Variants in OSBPL10 observed in about 807,000 individuals in gnomAD.
OSBPL10 encodes the protein oxysterol-binding protein-related protein 10.
Under a neutral mutation model 81.7 loss-of-function variants are expected in OSBPL10, and 49 were observed. The observed-to-expected ratio is 0.60, with a 90% CI of 0.48 to 0.76. The LOEUF (loss-of-function observed/expected upper bound fraction) is 0.76, where lower values mean the gene tolerates loss of function less well. Among genes scored for constraint, OSBPL10 ranks in the 30% least tolerant of loss-of-function variants. OSBPL10 has a pLI of 0.00. For synonymous variants in OSBPL10, 419 were observed against 383.6 expected, an observed-to-expected ratio of 1.09 and a Z score of -1.08; for missense variants, 923 against 987.8, an observed-to-expected ratio of 0.93 and a Z score of 0.88.
Position 31,663,973 on chromosome 3 carries a change from T to C in OSBPL10, c.2250+106A>G, listed in dbSNP as rs1370866090. On this transcript the variant is annotated intron_variant, in intron 11 of 11. Transcript: ENST00000396556. ...AGCTGCCCTAGTCCATCCCTTCCCC[T>C]GCCTGGTATTTATCCAGTCTTGGGG... 6 of 1,611,434 alleles carry C rather than the reference T, an allele frequency of 3.7e-6. No individual in the cohort carries two copies. The Admixed American group carries it at 6.7e-5, about 18-fold the overall frequency.
At chr3:32,008,739 G>A (rs1386059355) in intron 2 of OSBPL10, among the ~76,000 whole-genome samples, 4 of 139,326 alleles carry the variant, frequency 2.9e-5, no homozygotes, top group Non-Finnish European at 6.0e-5. Context: ...CAGCCTGGGA[G>A]ACAGAGTGAG....
chr3:31,823,886 C>G (rs34558868), intron 4 of OSBPL10, among the ~76,000 whole-genome samples: 10,519 of 151,570 alleles, frequency 0.069, 771 homozygotes, highest in East Asian at 0.44. Context: ...GAGTTTGGCT[C>G]TATCACCTAG....
rs1553649783 is a variant in OSBPL10 at position 32,026,056 on chromosome 3, A to ATAGATGATAGATAGATGAT, written n.298+20434_298+20435insATCATCTATCTATCATCTA. Among the ~76,000 whole-genome samples, 66 of 104,366 alleles carry ATAGATGATAGATAGATGAT rather than the reference A, an allele frequency of 6.3e-4. 2 individuals are homozygous for ATAGATGATAGATAGATGAT. Among genetic ancestry groups the ATAGATGATAGATAGATGAT allele is most frequent in the African/African-American group, 2.1e-3 (53 of 25,538 alleles). 68.5% of individuals were successfully genotyped at this position (104,366 alleles called of 152,430 possible). ...GATAGATAGATAGATAGATAGATAG[A>ATAGATGATAGATAGATGAT]TGATAGATAGATAGATAGATAGATA... On this transcript the variant is annotated intron_variant and non_coding_transcript_variant, in intron 2 of 3. Coordinates refer to the OSBPL10 transcript ENST00000479173.
At position 31,745,849 on chromosome 3, in the gene OSBPL10, C is replaced by A. The variant is rs112470044; in HGVS notation, c.940+2061G>T. Among the ~76,000 whole-genome samples the A allele has an allele frequency of 3.5e-3, 536 of 152,304 alleles. 1 individual carries two copies. Among genetic ancestry groups the A allele is most frequent in the African/African-American group, 0.012 (510 of 41,556 alleles). ...CCAAATTACCCACACACAATCTACT[C>A]TGAAAAACCAACAGTCCCTTTCATG... On this transcript the variant is annotated intron_variant, in intron 5 of 11. Coordinates refer to ENST00000396556, the MANE Select transcript of OSBPL10 (RefSeq NM_017784.5).
chr3:31,684,380 G>C (rs1157253321), intron 7 of OSBPL10, among the ~76,000 whole-genome samples: 1 of 152,170 alleles, frequency 6.6e-6, no homozygotes, highest in Non-Finnish European at 1.5e-5. Flanking sequence ...TAACACAATA[G>C]TCTCTGTCTC....
chr3:31,876,349 A>T (rs1701469426), intron 3 of OSBPL10, 84 bp downstream of exon 3: 1 of 1,199,620 alleles, frequency 8.3e-7, no homozygotes, highest in Non-Finnish European at 1.2e-6. Flanking sequence ...AACATGAAAA[A>T]CACCTTCCCC....
intron 3 of OSBPL10, among the ~76,000 whole-genome samples, chr3:31,853,051 T>TC (rs950938519): frequency 2.0e-5 from 3 of 152,184 alleles, no homozygotes; most frequent in African/African-American, 7.2e-5. Context: ...AAGGTTTTTT[T>TC]CACATGAAAA....
chr3:31,722,665 T>A (rs1436464840), intron 6 of OSBPL10, among the ~76,000 whole-genome samples: 1 of 152,096 alleles, frequency 6.6e-6, no homozygotes, highest in Non-Finnish European at 1.5e-5. Flanking sequence ...ACATTATATA[T>A]ATATATTTAA....
At chr3:32,061,073 C>T (rs796908403) in intron 1 of OSBPL10, among the ~76,000 whole-genome samples, 5 of 90,404 alleles carry the variant, frequency 5.5e-5, no homozygotes, top group African/African-American at 1.4e-4. Flanking sequence ...ATTCTTTCCC[C>T]TCCCAGACCT....
At chr3:31,778,773 C>G (rs982122989) in intron 4 of OSBPL10, among the ~76,000 whole-genome samples, 3 of 152,088 alleles carry the variant, frequency 2.0e-5, no homozygotes, top group African/African-American at 7.2e-5. Context: ...ATCAGGTTAT[C>G]TAGAGTCAAG....
At chr3:31,928,971 A>G (rs768032194) in intron 1 of OSBPL10, among the ~76,000 whole-genome samples, 5 of 152,220 alleles carry the variant, frequency 3.3e-5, no homozygotes, top group Non-Finnish European at 5.9e-5. Flanking sequence ...GCACAATAGC[A>G]TCGCAGAGAC....
chr3:31,915,794 C>A (rs763804105), intron 1 of OSBPL10, among the ~76,000 whole-genome samples: 1 of 151,968 alleles, frequency 6.6e-6, no homozygotes, highest in South Asian at 2.1e-4. Context: ...CCACGCAACA[C>A]CCTTTAAGAG....
chr3:31,781,256 T>C (rs1698688629), intron 4 of OSBPL10, among the ~76,000 whole-genome samples: 1 of 152,060 alleles, frequency 6.6e-6, no homozygotes. Flanking sequence ...TTTGACAAAA[T>C]CCAGCATTAC....
intron 4 of OSBPL10, among the ~76,000 whole-genome samples, chr3:31,778,190 A>G (rs1419055648): frequency 6.6e-6 from 1 of 152,210 alleles, no homozygotes; most frequent in African/African-American, 2.4e-5. Flanking sequence ...CAGTGCTATT[A>G]GCAAGACTGG....
At chr3:31,818,107 A>G (rs9882268) in intron 4 of OSBPL10, among the ~76,000 whole-genome samples, 104,858 of 151,754 alleles carry the variant, frequency 0.69, 36,766 homozygotes, top group East Asian at 0.93. Flanking sequence ...CCTTGCCTCA[A>G]AAAACAAACA....
chr3:32,070,452 G>T (rs1699820753), intron 1 of OSBPL10, among the ~76,000 whole-genome samples: 1 of 151,952 alleles, frequency 6.6e-6, no homozygotes, highest in South Asian at 2.1e-4. Context: ...CCAACCCAAA[G>T]CCTCCTTCGT....
At chr3:31,755,126 G>T (rs957761807) in intron 4 of OSBPL10, among the ~76,000 whole-genome samples, 1 of 152,148 alleles carries the variant, frequency 6.6e-6, no homozygotes, top group Non-Finnish European at 1.5e-5. Flanking sequence ...GGGACAGAAA[G>T]AGCTTCCCCA....
At chr3:31,842,200 C>A (rs538597293) in intron 3 of OSBPL10, among the ~76,000 whole-genome samples, 2 of 152,302 alleles carry the variant, frequency 1.3e-5, no homozygotes, top group South Asian at 4.1e-4. Flanking sequence ...GGTCTGTATA[C>A]ATAATGGTGG....
chr3:31,986,357 C>T (rs1036891729), intron 2 of OSBPL10: 5 of 152,214 alleles, frequency 3.3e-5, no homozygotes, highest in African/African-American at 7.2e-5. Flanking sequence ...TCAGCTGTGA[C>T]GTGTACATGC....
Sources: gnomAD v4.1 joint callset for allele counts (sites outside exome capture counted in the v4.1 genomes callset) on GRCh38, gnomAD v4.1.1 for gene constraint, MANE v1.5 for transcripts, NCBI Gene and HGNC (gene_info 2026-07-23, HGNC 2026-07-21) for gene names.